Variants in ARID1B observed in about 807,000 individuals in gnomAD.
ARID1B encodes AT-rich interaction domain 1B, also known as AT-rich interactive domain-containing protein 1B.
In ARID1B, 30 loss-of-function variants were observed where a neutral mutation model predicts 212.3. That is an observed-to-expected ratio of 0.14 (90% CI 0.11 to 0.19). ARID1B has a LOEUF of 0.19. ARID1B is among the 10% of genes least tolerant of loss of function. The pLI is 1.00. For missense variants in ARID1B, 2,891 were observed against 3,204.0 expected, an observed-to-expected ratio of 0.90 and a Z score of 2.36; for synonymous variants, 1,402 against 1,301.7, an observed-to-expected ratio of 1.08 and a Z score of -1.66.
At chr6:157,019,401 A>T (rs1562553400) in intron 4 of ARID1B, among the ~76,000 whole-genome samples, 1 of 152,212 alleles carries the variant, frequency 6.6e-6, no homozygotes, top group Non-Finnish European at 1.5e-5. Flanking sequence ...ATCAGAGCAG[A>T]CTGTCGTCAT....
At chr6:157,053,943 G>A (rs1263615137) in intron 4 of ARID1B, among the ~76,000 whole-genome samples, 1 of 151,696 alleles carries the variant, frequency 6.6e-6, no homozygotes, top group Non-Finnish European at 1.5e-5. Context: ...AAAAACATTA[G>A]GCCGGGCACA....
At chr6:156,867,439 A>G (rs1785782678) in intron 2 of ARID1B, among the ~76,000 whole-genome samples, 2 of 152,292 alleles carry the variant, frequency 1.3e-5, no homozygotes, top group South Asian at 4.1e-4. Flanking sequence ...TCCCACAAAT[A>G]ATGTGAGAGG....
intron 4 of ARID1B, chr6:156,942,622 A>G (rs1378745774): frequency 6.6e-6 from 1 of 151,916 alleles, no homozygotes; most frequent in African/African-American, 2.4e-5. Context: ...CTAAAAAGAA[A>G]AAAAAAAAAA....
In ARID1B at chr6:156,935,015, T is replaced by C. The variant is rs1582983321; in HGVS notation, c.2137-451T>C. The stretch of plus-strand genomic sequence containing the variant: ...TTTTTAAAATTTTTGCTTCTGATAA[T>C]GTATTAAATTATAGCCATAACATAT... On this transcript the variant is annotated intron_variant, in intron 3 of 19. Coordinates refer to ENST00000636930, the MANE Select transcript of ARID1B (RefSeq NM_001374828.1). 2.0e-5 allele frequency among the ~76,000 whole-genome samples: 3 copies of C among 148,614 alleles called. No individual in the cohort carries two copies. The South Asian group carries it at 6.4e-4, about 32-fold the overall frequency.
chr6:156,917,443 C>T (rs533289052), intron 3 of ARID1B, among the ~76,000 whole-genome samples: 8 of 152,090 alleles, frequency 5.3e-5, no homozygotes, highest in African/African-American at 1.4e-4. Context: ...TTGACGGTGC[C>T]GTGGGAGGGG....
intron 2 of ARID1B, among the ~76,000 whole-genome samples, chr6:156,897,218 G>GCTGCTTCTTCTTCTTCTTCTTCTT (rs1554264583): frequency 2.3e-4 from 21 of 91,364 alleles, no homozygotes; most frequent in Admixed American, 5.7e-4. Flanking sequence ...TGCTGCTGCT[G>GCTGCTTCTTCTTCTTCTTCTTCTT]CTTCTTCTTC....
At chr6:156,889,082 G>T (rs1041900594) in intron 2 of ARID1B, among the ~76,000 whole-genome samples, 4 of 152,092 alleles carry the variant, frequency 2.6e-5, no homozygotes, top group African/African-American at 7.2e-5. Context: ...GACAGTTTAG[G>T]AAAGACCACA....
chr6:157,030,340 A>G (rs1427958793), intron 4 of ARID1B: 1 of 152,302 alleles, frequency 6.6e-6, no homozygotes, highest in Non-Finnish European at 1.5e-5. Context: ...GAAGTGGCAC[A>G]GCATGATTGC....
At chr6:156,914,654 A>G (rs1252059367) in intron 3 of ARID1B, among the ~76,000 whole-genome samples, 1 of 152,168 alleles carries the variant, frequency 6.6e-6, no homozygotes, top group Non-Finnish European at 1.5e-5. Context: ...GTACTTTTGC[A>G]ACTTGGATCT....
chr6:156,828,713 TG>T (rs1156560764), intron 1 of ARID1B, among the ~76,000 whole-genome samples: 1 of 152,256 alleles, frequency 6.6e-6, no homozygotes, highest in Non-Finnish European at 1.5e-5. Context: ...CCTGGACATA[TG>T]CATGATCTAA....
chr6:157,104,888 AAAAC>A (rs1786343791), intron 5 of ARID1B, among the ~76,000 whole-genome samples: 1 of 152,230 alleles, frequency 6.6e-6, no homozygotes, highest in African/African-American at 2.4e-5. Flanking sequence ...TTCATATAGA[AAAAC>A]ATGCAAGAAA....
At chr6:157,185,507 C>T (rs148060075) in intron 13 of ARID1B, 4 of 152,324 alleles carry the variant, frequency 2.6e-5, no homozygotes, top group African/African-American at 9.6e-5. Context: ...AGCCCTGTGA[C>T]ATTGATACTA....
chr6:157,150,542 C>G (rs937155804), intron 8 of ARID1B: 45 of 162,988 alleles, frequency 2.8e-4, no homozygotes, highest in Admixed American at 2.3e-3. Context: ...TGCCTGTCCC[C>G]ACCCTTTCGT....
At chr6:157,012,888 C>G (rs1480029248) in intron 4 of ARID1B, among the ~76,000 whole-genome samples, 7 of 151,432 alleles carry the variant, frequency 4.6e-5, no homozygotes. Flanking sequence ...TGTTTTGTTT[C>G]GTTTTTTTGA....
chr6:156,855,992 TATTATA>T (rs1193798590), intron 2 of ARID1B, among the ~76,000 whole-genome samples: 1 of 152,226 alleles, frequency 6.6e-6, no homozygotes, highest in Non-Finnish European at 1.5e-5. Context: ...AATTTTCACG[TATTATA>T]ATTATAACTC....
At chr6:157,074,284 G>T (rs1042560255) in intron 4 of ARID1B, among the ~76,000 whole-genome samples, 1 of 152,084 alleles carries the variant, frequency 6.6e-6, no homozygotes, top group Admixed American at 6.6e-5. Flanking sequence ...GAACTAAGTG[G>T]TGCACACTCT....
chr6:156,807,255 G>C (rs925123709), intron 1 of ARID1B, among the ~76,000 whole-genome samples: 1 of 152,018 alleles, frequency 6.6e-6, no homozygotes, highest in Non-Finnish European at 1.5e-5. Flanking sequence ...AGAGCCCAGG[G>C]TGAAGGGAGC....
chr6:157,039,062 G>C (rs1051808212), intron 4 of ARID1B, among the ~76,000 whole-genome samples: 5 of 151,960 alleles, frequency 3.3e-5, no homozygotes, highest in Admixed American at 3.3e-4. Flanking sequence ...TAAAAATGCA[G>C]GTCTAACTAT....
At chr6:156,807,028 T>C (rs1014389598) in intron 1 of ARID1B, among the ~76,000 whole-genome samples, 3 of 152,236 alleles carry the variant, frequency 2.0e-5, no homozygotes, top group African/African-American at 7.2e-5. Flanking sequence ...TCTTAGCTTA[T>C]GGGTCCTACA....
Sources: allele counts gnomAD v4.1 joint callset (sites outside exome capture counted in the v4.1 genomes callset), GRCh38; gene constraint gnomAD v4.1.1; transcripts MANE v1.5; gene names NCBI Gene and HGNC (gene_info 2026-07-23, HGNC 2026-07-21).